Variants in HEPH observed in about 807,000 individuals in gnomAD.
The protein encoded by HEPH is hephaestin.
Under a neutral mutation model 80.8 loss-of-function variants are expected in HEPH, and 69 were observed. The observed-to-expected ratio is 0.85, with a 90% CI of 0.70 to 1.04. The LOEUF is 1.04. HEPH is among the 50% of genes least tolerant of loss of function. The pLI, the probability that HEPH is intolerant of heterozygous loss-of-function variation, is 0.00. For synonymous variants in HEPH, 431 were observed against 322.8 expected, an observed-to-expected ratio of 1.34 and a Z score of -3.60; for missense variants, 1,115 against 891.3, an observed-to-expected ratio of 1.25 and a Z score of -3.20.
At chrX:66,207,370 G>T (rs2088848998) in intron 14 of HEPH, 36 bp downstream of exon 14, 2 of 1,088,615 alleles carry the variant, frequency 1.8e-6, no homozygotes, top group Non-Finnish European at 2.4e-6. Context: ...GTGTTTAGCA[G>T]CCTGAACTCC....
Position 66,189,856 on chromosome X carries a change from A to T in HEPH, c.981A>T (p.Pro327=), listed in dbSNP as rs1429508238. ...GHHTDVANIF[P]ATFVTAEMVP... ...ACACTGATGTGGCTAACATCTTTCC[A>T]GCCACCTTTGTGACTGCTGAGATGG... is the stretch of plus-strand genomic sequence containing the variant. Residue 327 remains proline (P), a synonymous_variant, in exon 6 of 21, where the codon CCA becomes CCT. Transcript: ENST00000343002. 1 of 1,206,713 alleles carries T rather than the reference A, an allele frequency of 8.3e-7. No individual in the cohort carries two copies. Among genetic ancestry groups the T allele is most frequent in the Non-Finnish European group, 1.1e-6 (1 of 892,727 alleles).
At chrX:66,268,420 C>T (rs943571898), downstream of HEPH, 4 of 111,971 alleles carry the variant, frequency 3.6e-5, no homozygotes, top group Admixed American at 2.8e-4. Context: ...TACTGAGAAT[C>T]TCAGAAATAA....
intron 13 of HEPH, among the ~76,000 whole-genome samples, chrX:66,204,344 G>A (rs749289547): frequency 8.9e-6 from 1 of 112,116 alleles, no homozygotes; most frequent in Admixed American, 9.4e-5. Context: ...AGGAGAGAAC[G>A]GAAATGGAGA....
At chrX:66,165,261 A>G (rs1365609345) in intron 1 of HEPH, among the ~76,000 whole-genome samples, 4 of 112,195 alleles carry the variant, frequency 3.6e-5, no homozygotes, top group Non-Finnish European at 7.5e-5. Context: ...GGCTAAAATA[A>G]TTTATTGAAA....
chrX:66,180,369 TTAG>T (rs1244677678), intron 4 of HEPH, among the ~76,000 whole-genome samples: 1 of 111,143 alleles, frequency 9.0e-6, no homozygotes, highest in Non-Finnish European at 1.9e-5. Context: ...TATATGATGC[TTAG>T]TTTTGCTGGA....
intron 20 of HEPH, 64 bp downstream of exon 20, chrX:66,263,752 A>AAGT: frequency 9.4e-7 from 1 of 1,062,385 alleles, no homozygotes; most frequent in Admixed American, 2.2e-5. Context: ...AGGTTGGGTG[A>AAGT]AGTACCTTTA....
intron 4 of HEPH, among the ~76,000 whole-genome samples, chrX:66,174,155 C>T (rs1017586447): frequency 3.6e-5 from 4 of 109,945 alleles, no homozygotes; most frequent in Non-Finnish European, 7.6e-5. Context: ...TTTTATCCCT[C>T]GTGCCCCCCC....
At chrX:66,197,569 C>A (rs2088170071) in intron 9 of HEPH, 114 bp from the exon 10 acceptor site, 1 of 551,263 alleles carries the variant, frequency 1.8e-6, no homozygotes, top group Non-Finnish European at 3.0e-6. Flanking sequence ...TTCCATGTTG[C>A]TGCTACTGCT....
rs775021258 is a variant in HEPH at position 66,189,953 on chromosome X, T to C, written c.1063+15T>C. 13 of 1,159,286 alleles carry C rather than the reference T, an allele frequency of 1.1e-5. No homozygotes were observed. Among genetic ancestry groups the C allele is most frequent in the Non-Finnish European group, 1.5e-5 (13 of 869,269 alleles). ...TCACTTTCGAGGTGAGATCCAACAT[T>C]TCTGACCATTGGGTTGTAAGAGAGA... On this transcript the variant is annotated intron_variant, in intron 6 of 20. Transcript: ENST00000343002.
chrX:66,202,406 G>A (rs1034469424), intron 12 of HEPH, among the ~76,000 whole-genome samples: 5 of 111,728 alleles, frequency 4.5e-5, no homozygotes, highest in African/African-American at 1.3e-4. Context: ...GCACTGAGCA[G>A]CAAAGTAAGG....
intron 15 of HEPH, among the ~76,000 whole-genome samples, chrX:66,227,176 A>G (rs1054652610): frequency 1.8e-5 from 2 of 112,379 alleles, no homozygotes; most frequent in Non-Finnish European, 3.8e-5. Context: ...AATTAAAAAC[A>G]AAAATTACAT....
At chrX:66,203,011 A>G (rs1273132058) in intron 12 of HEPH, among the ~76,000 whole-genome samples, 1 of 105,848 alleles carries the variant, frequency 9.4e-6, no homozygotes, top group Non-Finnish European at 1.9e-5. Flanking sequence ...TAAATGAAAG[A>G]TAGGGTTACC....
At chrX:66,209,312 G>A (rs999898723) in intron 15 of HEPH, among the ~76,000 whole-genome samples, 5 of 112,455 alleles carry the variant, frequency 4.4e-5, no homozygotes, top group African/African-American at 1.6e-4. Context: ...TCAAACCTTA[G>A]CATGTATCAG....
At chrX:66,202,036 T>G (rs2088487521) in intron 12 of HEPH, among the ~76,000 whole-genome samples, 1 of 111,530 alleles carries the variant, frequency 9.0e-6, no homozygotes, top group Non-Finnish European at 1.9e-5. Context: ...ACATGTGGTT[T>G]AGATATAAAG....
intron 15 of HEPH, among the ~76,000 whole-genome samples, chrX:66,216,198 C>A (rs1569347747): frequency 9.0e-6 from 1 of 111,578 alleles, no homozygotes; most frequent in Non-Finnish European, 1.9e-5. Context: ...AAAGGCGACC[C>A]TATGAGAAGC....
At chrX:66,261,758 A>G (rs2091372491) in intron 19 of HEPH, among the ~76,000 whole-genome samples, 1 of 111,639 alleles carries the variant, frequency 9.0e-6, no homozygotes, top group Admixed American at 9.5e-5. Context: ...ATGACTTCCT[A>G]TATAATTTAA....
chrX:66,244,428 C>T (rs2090724135), intron 15 of HEPH, among the ~76,000 whole-genome samples: 1 of 111,619 alleles, frequency 9.0e-6, no homozygotes, highest in African/African-American at 3.2e-5. Context: ...AGGTTCTTTC[C>T]TCAGCTTGGT....
In HEPH at chrX:66,172,339, T is replaced by C. The variant is rs5964495; in HGVS notation, c.168-16T>C. On this transcript the variant is annotated splice_polypyrimidine_tract_variant and intron_variant, in intron 2 of 20. Coordinates refer to ENST00000343002, the MANE Select transcript of HEPH (RefSeq NM_001367233.3). ...AGATGGGGGGCAAAATTATGACTCT[T>C]TTTCTTCTTTCCCAGAGTGGCTTCC... 274,015 of 1,170,780 alleles carry C rather than the reference T, an allele frequency of 0.23. 29,981 individuals carry two copies. Among genetic ancestry groups the C allele is most frequent in the African/African-American group, 0.78 (43,428 of 55,374 alleles).
At chrX:66,190,971 T>C (rs1490358097) in intron 6 of HEPH, among the ~76,000 whole-genome samples, 1 of 112,137 alleles carries the variant, frequency 8.9e-6, no homozygotes, top group East Asian at 2.8e-4. Context: ...TTTAGCCACC[T>C]TTGATAAATC....
Sources: gnomAD v4.1 joint callset for allele counts (sites outside exome capture counted in the v4.1 genomes callset) on GRCh38, gnomAD v4.1.1 for gene constraint, MANE v1.5 for transcripts, NCBI Gene and HGNC (gene_info 2026-07-23, HGNC 2026-07-21) for gene names.